GLI2: variants seen among roughly 807,000 people sequenced by gnomAD.
GLI2 encodes GLI family zinc finger 2.
A neutral mutation model predicts 78.9 loss-of-function variants in GLI2; 22 were observed. That is an observed-to-expected ratio of 0.28 (90% CI 0.20 to 0.40). The LOEUF is 0.40. Among genes scored for constraint, GLI2 ranks in the 10% least tolerant of loss-of-function variants. GLI2 has a pLI of 1.00. For synonymous variants in GLI2, 974 were observed against 963.7 expected (o/e 1.01, Z -0.20); for missense variants, 2,097 against 2,213.2 (o/e 0.95, Z 1.05).
At chr2:120,962,005 T>C (rs938126220) in intron 5 of GLI2, among the ~76,000 whole-genome samples, 1 of 152,058 alleles carries the variant, frequency 6.6e-6, no homozygotes, top group Admixed American at 6.5e-5. Flanking sequence ...CAGCCCAGGC[T>C]CCTGGGCACA....
chr2:120,937,663 G>A (rs1347751742), intron 3 of GLI2, among the ~76,000 whole-genome samples: 2 of 152,174 alleles, frequency 1.3e-5, no homozygotes, highest in Non-Finnish European at 2.9e-5. Context: ...CCACTTCCAG[G>A]CAGACACCAG....
intron 2 of GLI2, among the ~76,000 whole-genome samples, chr2:120,885,827 T>TGTGTGGGAGCGGGGCCTCAC (rs1444443671): frequency 2.3e-4 from 35 of 152,200 alleles, no homozygotes; most frequent in Non-Finnish European, 4.0e-4. Flanking sequence ...TACCTGGTCA[T>TGTGTGGGAGCGGGGCCTCAC]GTGTGGGAGC....
chr2:120,829,352 C>G (rs148291261), intron 2 of GLI2, among the ~76,000 whole-genome samples: 40 of 152,214 alleles, frequency 2.6e-4, no homozygotes, highest in African/African-American at 9.6e-4. Context: ...AGTTTCTGAC[C>G]AGGGTTAATG....
intron 1 of GLI2, among the ~76,000 whole-genome samples, chr2:120,759,613 A>G (rs1032693994): frequency 2.0e-5 from 3 of 152,164 alleles, no homozygotes; most frequent in South Asian, 2.1e-4. Context: ...GTTAGGAACC[A>G]TGTGCTCAGC....
At chr2:120,765,768 G>A (rs1683348956) in intron 1 of GLI2, among the ~76,000 whole-genome samples, 2 of 152,256 alleles carry the variant, frequency 1.3e-5, no homozygotes, top group African/African-American at 4.8e-5. Context: ...TTGCAGTCAG[G>A]TGGAGGTGAG....
intron 1 of GLI2, among the ~76,000 whole-genome samples, chr2:120,738,340 A>G (rs1384385004): frequency 6.6e-6 from 1 of 152,126 alleles, no homozygotes; most frequent in Non-Finnish European, 1.5e-5. Context: ...GTTACAGGAA[A>G]TTGTGGAGAT....
intron 2 of GLI2, among the ~76,000 whole-genome samples, chr2:120,827,211 C>T (rs758007339): frequency 1.3e-5 from 2 of 152,194 alleles, no homozygotes; most frequent in African/African-American, 2.4e-5. Flanking sequence ...TTCAGGACAG[C>T]GGAGTTGGCA....
chr2:120,762,655 A>G (rs1350257703), intron 1 of GLI2, among the ~76,000 whole-genome samples: 1 of 152,146 alleles, frequency 6.6e-6, no homozygotes, highest in Non-Finnish European at 1.5e-5. Flanking sequence ...CTCCCCATCG[A>G]GAGCGTCGAG....
chr2:120,911,477 C>T (rs1433585486), intron 2 of GLI2, among the ~76,000 whole-genome samples: 1 of 152,192 alleles, frequency 6.6e-6, no homozygotes, highest in African/African-American at 2.4e-5. Flanking sequence ...GCTCTGTCTC[C>T]TACTGCGGCC....
chr2:120,924,218 A>G (rs1178721874), intron 2 of GLI2, among the ~76,000 whole-genome samples: 3 of 152,184 alleles, frequency 2.0e-5, no homozygotes, highest in African/African-American at 7.2e-5. Flanking sequence ...AGGAGCTGGT[A>G]TTTGCCAAGT....
At chr2:120,951,926 T>TGTCTCTCA (rs113361129) in intron 4 of GLI2, among the ~76,000 whole-genome samples, 11,477 of 152,186 alleles carry the variant, frequency 0.075, 1,322 homozygotes, top group African/African-American at 0.26. Context: ...TGTGGCATTG[T>TGTCTCTCA]GTTCAGATGC....
At chr2:120,754,212 G>A (rs1412988245) in intron 1 of GLI2, among the ~76,000 whole-genome samples, 2 of 152,276 alleles carry the variant, frequency 1.3e-5, no homozygotes, top group Non-Finnish European at 2.9e-5. Context: ...CAACGTACGA[G>A]AGTGCTTATC....
intron 2 of GLI2, among the ~76,000 whole-genome samples, chr2:120,883,075 G>T (rs550110042): frequency 4.7e-4 from 71 of 152,242 alleles, no homozygotes; most frequent in African/African-American, 1.6e-3. Flanking sequence ...CATATAAATG[G>T]CATCATAAAG....
At position 120,920,756 on chromosome 2, in the gene GLI2, C is replaced by T. The variant is rs150489078; in HGVS notation, c.149-6605C>T. Among the ~76,000 whole-genome samples the T allele has an allele frequency of 9.0e-3, 1,362 of 151,946 alleles. 18 individuals are homozygous for T. Among genetic ancestry groups the T allele is most frequent in the African/African-American group, 0.03 (1,247 of 41,420 alleles). On this transcript the variant is annotated intron_variant, in intron 2 of 13. Transcript: ENST00000361492. ...GGGAGTGATGATCCATTGAAAATTC[C>T]CATCTTAGAGTTTCTTCCTCAGAAA...
At chr2:120,854,715 G>A (rs1200541131) in intron 2 of GLI2, among the ~76,000 whole-genome samples, 1 of 152,238 alleles carries the variant, frequency 6.6e-6, no homozygotes, top group South Asian at 2.1e-4. Flanking sequence ...TTGAGTGCTC[G>A]CTGTTTGCCT....
intron 1 of GLI2, among the ~76,000 whole-genome samples, chr2:120,747,869 T>C (rs1682738900): frequency 6.6e-6 from 1 of 152,190 alleles, no homozygotes; most frequent in Non-Finnish European, 1.5e-5. Flanking sequence ...TCTTAAACCT[T>C]TTCTGTGCCT....
At chr2:120,891,370 G>T (rs929463478) in intron 2 of GLI2, among the ~76,000 whole-genome samples, 1 of 152,148 alleles carries the variant, frequency 6.6e-6, no homozygotes. Flanking sequence ...TTTGAATTTG[G>T]TCTCTGTTTA....
intron 1 of GLI2, among the ~76,000 whole-genome samples, chr2:120,753,902 G>A (rs1357203676): frequency 6.7e-6 from 1 of 149,006 alleles, no homozygotes; most frequent in Admixed American, 6.6e-5. Context: ...GGCGACAGAG[G>A]GAGACTCCAT....
At chr2:120,895,209 G>A (rs1253285148) in intron 2 of GLI2, among the ~76,000 whole-genome samples, 2 of 152,140 alleles carry the variant, frequency 1.3e-5, no homozygotes, top group African/African-American at 4.8e-5. Flanking sequence ...AAACTGGGAG[G>A]GAAAAGAAAA....
Sources: allele counts gnomAD v4.1 joint callset (sites outside exome capture counted in the v4.1 genomes callset), GRCh38; gene constraint gnomAD v4.1.1; transcripts MANE v1.5; gene names NCBI Gene and HGNC (gene_info 2026-07-23, HGNC 2026-07-21).